ACBD5: variants seen among roughly 807,000 people sequenced by gnomAD.
ACBD5 encodes acyl-CoA-binding domain-containing protein 5.
In ACBD5, 40 loss-of-function variants were observed where a neutral mutation model predicts 71.8. The observed-to-expected ratio is 0.56, with a 90% CI of 0.43 to 0.72. The LOEUF (loss-of-function observed/expected upper bound fraction) is 0.72. ACBD5 is among the 30% of genes least tolerant of loss of function. The pLI, the probability that ACBD5 is intolerant of heterozygous loss-of-function variation, is 0.00. For missense variants in ACBD5, 559 were observed against 644.5 expected, an observed-to-expected ratio of 0.87 and a Z score of 1.44; for synonymous variants, 229 against 218.6, an observed-to-expected ratio of 1.05 and a Z score of -0.42.
Position 27,211,071 on chromosome 10 carries a change from C to T in ACBD5, c.947G>A (p.Ser316Asn). 6.2e-7 allele frequency: 1 copy of T among 1,614,112 alleles called. No homozygotes were observed. Among genetic ancestry groups the T allele is most frequent in the Non-Finnish European group, 8.5e-7 (1 of 1,180,028 alleles). Residue 316 changes from serine (S) to asparagine (N), a missense_variant, in exon 9 of 13, where the codon AGC becomes AAC. Coordinates refer to ENST00000396271, the MANE Select transcript of ACBD5 (RefSeq NM_145698.5). ...AAATGGTCCATTGTTGGACGTAAAG[C>T]TGTCTAAAGACTACAAATTAGAAAT... is the stretch of plus-strand genomic sequence containing the variant. Reference protein sequence around the residue: ...EQFGQEESLDSFTSNNGPFQY... With the variant: ...EQFGQEESLDNFTSNNGPFQY...
chr10:27,198,702 T>A (rs922480250), intron 12 of ACBD5, among the ~76,000 whole-genome samples: 4 of 152,212 alleles, frequency 2.6e-5, no homozygotes, highest in African/African-American at 9.6e-5. Flanking sequence ...AAAGACAACC[T>A]GCCTGAGTGA....
At chr10:27,207,862 GT>G (rs2060632056) in intron 10 of ACBD5, among the ~76,000 whole-genome samples, 1 of 151,954 alleles carries the variant, frequency 6.6e-6, no homozygotes, top group South Asian at 2.1e-4. Flanking sequence ...AGCCTCCTAA[GT>G]AGCTGGGATT....
chr10:27,228,595 T>G (rs1292952721), intron 4 of ACBD5, among the ~76,000 whole-genome samples: 1 of 151,524 alleles, frequency 6.6e-6, no homozygotes, highest in Admixed American at 6.6e-5. Flanking sequence ...AAGAATTTTA[T>G]ACTTCTATAA....
rs766267219 is a variant in ACBD5, at chr10:27,240,180, A to G, written c.181+139T>C. The G allele has an allele frequency of 2.5e-5, 33 of 1,323,278 alleles. No individual in the cohort carries two copies. Among genetic ancestry groups the G allele is most frequent in the Non-Finnish European group, 3.3e-5 (32 of 966,308 alleles). 82.0% of individuals were successfully genotyped at this position (1,323,278 alleles called of 1,614,324 possible). On this transcript the variant is annotated intron_variant, in intron 2 of 12. Coordinates refer to ENST00000396271, the MANE Select transcript of ACBD5 (RefSeq NM_145698.5). This position sits in a 1 kb window ranked among gnomAD's most constrained non-coding sequence, Gnocchi z 4.1. ...TGGAAGATCAAAAGGTAATTAATTC[A>G]TATTCAATAGCTCCCCTTCCACTAC...
In ACBD5 at chr10:27,240,417, C is replaced by G. The variant is rs749155919; in HGVS notation, c.83G>C (p.Arg28Pro). ...CATCTCCAGCTGCCAGTGTTGGCCC[C>G]GGTCCCAAGGTCTGTCGGCGGGAAT... Reference protein sequence around the residue: ...CLIPADRPWDRGQHWQLEMAD... With the variant: ...CLIPADRPWDPGQHWQLEMAD... Residue 28 changes from arginine (R) to proline (P), a missense_variant, in exon 2 of 13, where the codon CGG (arginine) becomes CCG (proline). Physicochemically the swap from Arg to Pro is moderately radical, Grantham distance 103. Transcript: ENST00000396271. The surrounding 1 kb of genome is among the most constrained non-coding windows in gnomAD (Gnocchi z 4.1). 5 of 1,614,114 alleles carry G rather than the reference C, an allele frequency of 3.1e-6. No homozygotes were observed. The highest frequency in any genetic ancestry group is 4.2e-6 in the Non-Finnish European group (5 of 1,180,030).
At chr10:27,185,786 C>CAA (rs59621747) in intron 13 of ACBD5, among the ~76,000 whole-genome samples, 8,494 of 141,172 alleles carry the variant, frequency 0.06, 825 homozygotes, top group African/African-American at 0.21. Context: ...GACTCCATTT[C>CAA]AAAAAAAAAA....
At chr10:27,230,410 G>A (rs1043620304) in intron 4 of ACBD5, among the ~76,000 whole-genome samples, 6 of 152,056 alleles carry the variant, frequency 3.9e-5, no homozygotes, top group Admixed American at 3.9e-4. Flanking sequence ...CCTTTTTACA[G>A]ATTTTCTTTA....
At chr10:27,198,268 A>G (rs921864417) in intron 12 of ACBD5, among the ~76,000 whole-genome samples, 1 of 152,162 alleles carries the variant, frequency 6.6e-6, no homozygotes, top group Non-Finnish European at 1.5e-5. Context: ...AGGCATATAA[A>G]TCCCAAACTT....
chr10:27,204,455 T>A lies in ACBD5; in HGVS notation c.1550A>T (p.Tyr517Phe), dbSNP rs778073445. The A allele has an allele frequency of 3.1e-6, 5 of 1,613,114 alleles. No individual in the cohort carries two copies. The highest frequency in any genetic ancestry group is 4.2e-6 in the Non-Finnish European group (5 of 1,179,140). ...FIAQWLVYLY[Y>F]QRRRRKLN ...CTGGTCTTACCTTCTCCTTCTTTGA[T>A]AGTATAAATACACCAACCACTGTGC... The change falls in exon 12 of 13, where the codon TAT (tyrosine) becomes TTT (phenylalanine). Residue 517 changes from tyrosine (Y) to phenylalanine (F), a missense_variant. Transcript: ENST00000396271.
intron 13 of ACBD5, chr10:27,186,273 G>A (rs2058740264): frequency 3.5e-6 from 4 of 1,149,418 alleles, no homozygotes; most frequent in East Asian, 2.4e-5. Context: ...ACATAATAAA[G>A]TAAGGTAAGT....
At position 27,195,357 on chromosome 10, in the gene ACBD5, T is replaced by G. The variant is rs779734741; in HGVS notation, c.*2073A>C. ...AACACTATATCCTATAATTACATCT[T>G]TACTTTTATATACAAGAACTGTGTG... On this transcript the variant is annotated 3_prime_UTR_variant, in exon 13 of 13. Transcript: ENST00000396271. The G allele has an allele frequency of 2.2e-6, 1 of 454,326 alleles. No individual in the cohort carries two copies. Among genetic ancestry groups the G allele is most frequent in the South Asian group, 1.6e-5 (1 of 64,356 alleles). 28.1% of individuals were successfully genotyped at this position (454,326 alleles called of 1,614,324 possible).
At chr10:27,202,969 CTT>C (rs775633178) in intron 12 of ACBD5, among the ~76,000 whole-genome samples, 1 of 70,766 alleles carries the variant, frequency 1.4e-5, no homozygotes, top group Non-Finnish European at 2.4e-5. Flanking sequence ...TCTATATCCT[CTT>C]TTTTTTTTTT....
At chr10:27,201,304 G>T (rs788201) in intron 12 of ACBD5, among the ~76,000 whole-genome samples, 27,604 of 152,218 alleles carry the variant, frequency 0.18, 3,011 homozygotes, top group East Asian at 0.29. Flanking sequence ...GTTACCACAG[G>T]AGACTGTTCA....
intron 6 of ACBD5, among the ~76,000 whole-genome samples, chr10:27,218,710 C>T (rs1465332182): frequency 6.6e-6 from 1 of 151,788 alleles, no homozygotes; most frequent in Non-Finnish European, 1.5e-5. Flanking sequence ...CTCAGCCTCC[C>T]AAGTAGCTGG....
intron 2 of ACBD5, among the ~76,000 whole-genome samples, chr10:27,236,272 G>C (rs1226918230): frequency 2.6e-5 from 4 of 151,960 alleles, no homozygotes; most frequent in Non-Finnish European, 5.9e-5. Flanking sequence ...GCCCTAAAAA[G>C]TTATATTGTA....
Position 27,240,717 on chromosome 10 carries a change from C to A in ACBD5, c.-29G>T. ...TAGCAGAAGACAGAGGGGGTCCGGG[C>A]ATCGGTGGCCGCGGAGCCGCTCTCC... On this transcript the variant is annotated 5_prime_UTR_variant, in exon 1 of 13. It removes an upstream start codon present in the reference 5' UTR. Coordinates refer to ENST00000396271, the MANE Select transcript of ACBD5 (RefSeq NM_145698.5). This position sits in a 1 kb window ranked among gnomAD's most constrained non-coding sequence, Gnocchi z 4.1. 1 of 1,550,300 alleles carries A rather than the reference C, an allele frequency of 6.5e-7. No homozygotes were observed. Among genetic ancestry groups the A allele is most frequent in the Non-Finnish European group, 8.7e-7 (1 of 1,146,922 alleles).
In ACBD5 at chr10:27,195,684, A is replaced by C; in HGVS notation, c.*1746T>G. On this transcript the variant is annotated 3_prime_UTR_variant, in exon 13 of 13. Transcript: ENST00000396271. ...CTTTTTTAAAAGCAAATAGTAGTAG[A>C]TCCCTTTAGACAGACATATTTTAAT... is the stretch of plus-strand genomic sequence containing the variant. The C allele has an allele frequency of 2.4e-6, 1 of 423,426 alleles. No individual in the cohort carries two copies. The highest frequency in any genetic ancestry group is 1.7e-5 in the South Asian group (1 of 57,876). 26.2% of individuals were successfully genotyped at this position (423,426 alleles called of 1,614,324 possible).
downstream of ACBD5, among the ~76,000 whole-genome samples, chr10:27,194,550 T>C (rs2059224409): frequency 6.6e-6 from 1 of 150,410 alleles, no homozygotes; most frequent in Non-Finnish European, 1.5e-5. Flanking sequence ...AAGCAGAGGT[T>C]GCAGTAAGCT....
At chr10:27,217,259 C>T (rs548474543) in intron 7 of ACBD5, among the ~76,000 whole-genome samples, 1 of 150,186 alleles carries the variant, frequency 6.7e-6, no homozygotes, top group Admixed American at 6.6e-5. Context: ...AGTTTGAGAC[C>T]ACCCTGGCCA....
Sources: gnomAD v4.1 joint callset for allele counts (sites outside exome capture counted in the v4.1 genomes callset) on GRCh38, gnomAD v4.1.1 for gene constraint, Gnocchi (gnomAD v3.1) non-coding constraint, MANE v1.5 for transcripts, NCBI Gene and HGNC (gene_info 2026-07-23, HGNC 2026-07-21) for gene names.